The following PTPRD variants were observed in gnomAD, a reference collection of about 807,000 sequenced individuals.
PTPRD encodes the protein protein tyrosine phosphatase receptor type D.
PTPRD carries 34 observed loss-of-function variants against 214.5 expected under a neutral mutation model. That is an observed-to-expected ratio of 0.16 (90% CI 0.12 to 0.21). The LOEUF (loss-of-function observed/expected upper bound fraction) is 0.21, where lower values mean the gene tolerates loss of function less well. PTPRD is among the 10% of genes least tolerant of loss of function. The pLI is 1.00. For synonymous variants in PTPRD, 1,128 were observed against 845.7 expected (o/e 1.33, Z -5.79); for missense variants, 2,545 against 2,398.7 (o/e 1.06, Z -1.27).
At chr9:9,932,361 C>T (rs867601256) in intron 5 of PTPRD, among the ~76,000 whole-genome samples, 3 of 141,728 alleles carry the variant, frequency 2.1e-5, no homozygotes, top group Admixed American at 7.0e-5. Context: ...ACTAGAATAA[C>T]CAATACAGAG....
chr9:8,604,242 G>A (rs914767649), intron 14 of PTPRD, among the ~76,000 whole-genome samples: 10 of 152,174 alleles, frequency 6.6e-5, no homozygotes, highest in African/African-American at 2.4e-4. Context: ...TATAGTCGAG[G>A]AAAGAGCAAA....
intron 14 of PTPRD, among the ~76,000 whole-genome samples, chr9:8,575,633 G>A (rs941353488): frequency 2.6e-5 from 4 of 152,058 alleles, no homozygotes; most frequent in Non-Finnish European, 4.4e-5. Flanking sequence ...CAACAATGAA[G>A]TACTTAAGTC....
At chr9:8,359,303 T>TG (rs539018353) in intron 39 of PTPRD, among the ~76,000 whole-genome samples, 1 of 150,992 alleles carries the variant, frequency 6.6e-6, no homozygotes, top group South Asian at 2.1e-4. Flanking sequence ...ACTCAAGGGG[T>TG]GGGGTCAAGC....
intron 11 of PTPRD, among the ~76,000 whole-genome samples, chr9:8,759,662 T>A (rs1422833530): frequency 6.6e-6 from 1 of 151,976 alleles, no homozygotes; most frequent in Non-Finnish European, 1.5e-5. Flanking sequence ...CCTACTCATT[T>A]CACTATGTTT....
At chr9:9,100,594 C>G (rs922722352) in intron 10 of PTPRD, among the ~76,000 whole-genome samples, 5 of 151,864 alleles carry the variant, frequency 3.3e-5, no homozygotes, top group Admixed American at 1.3e-4. Flanking sequence ...TTGTTTTTAC[C>G]AGAAAATGAA....
intron 5 of PTPRD, among the ~76,000 whole-genome samples, chr9:9,871,857 C>T (rs533337303): frequency 1.8e-4 from 27 of 152,222 alleles, no homozygotes; most frequent in Middle Eastern, 3.4e-3. Flanking sequence ...TGATCTTTTC[C>T]TTTAACAATA....
chr9:9,167,100 G>C (rs2099905855), intron 10 of PTPRD, among the ~76,000 whole-genome samples: 2 of 152,182 alleles, frequency 1.3e-5, no homozygotes, highest in Non-Finnish European at 2.9e-5. Context: ...TTGACAAATA[G>C]TGGACCTGAT....
intron 35 of PTPRD, among the ~76,000 whole-genome samples, chr9:8,430,121 T>C (rs1291000875): frequency 2.0e-5 from 3 of 152,168 alleles, no homozygotes; most frequent in Non-Finnish European, 2.9e-5. Flanking sequence ...ACATCTAGAA[T>C]GTACCTGAAG....
At chr9:10,078,434 T>G (rs2098172086) in intron 3 of PTPRD, among the ~76,000 whole-genome samples, 1 of 149,414 alleles carries the variant, frequency 6.7e-6, no homozygotes, top group Admixed American at 6.7e-5. Context: ...GAGAATTGCT[T>G]GAACCTGGGA....
At chr9:10,551,060 G>A (rs1487839455) in intron 2 of PTPRD, among the ~76,000 whole-genome samples, 3 of 152,172 alleles carry the variant, frequency 2.0e-5, no homozygotes, top group African/African-American at 7.2e-5. Context: ...TAGGCTGAGT[G>A]CAGTGGCTCA....
chr9:9,831,078 C>G (rs185800946), intron 5 of PTPRD, among the ~76,000 whole-genome samples: 1 of 151,888 alleles, frequency 6.6e-6, no homozygotes, highest in Non-Finnish European at 1.5e-5. Flanking sequence ...TTTATTATAG[C>G]CTATGGTCAC....
intron 44 of PTPRD, among the ~76,000 whole-genome samples, chr9:8,321,507 A>G (rs899074606): frequency 1.2e-4 from 12 of 100,018 alleles, no homozygotes; most frequent in African/African-American, 2.6e-4. Context: ...ATATATATAT[A>G]TATATATATA....
At chr9:10,422,276 G>A (rs546143421) in intron 2 of PTPRD, among the ~76,000 whole-genome samples, 4 of 152,106 alleles carry the variant, frequency 2.6e-5, no homozygotes, top group Admixed American at 2.6e-4. Flanking sequence ...GCTGAAACTG[G>A]ATCCCTTCTT....
At chr9:10,097,643 G>A (rs1045585826) in intron 3 of PTPRD, among the ~76,000 whole-genome samples, 1 of 151,732 alleles carries the variant, frequency 6.6e-6, no homozygotes, top group African/African-American at 2.4e-5. Flanking sequence ...TTTGGGCTGA[G>A]ACGATGGGGT....
At chr9:9,964,229 G>C (rs2094541847) in intron 4 of PTPRD, among the ~76,000 whole-genome samples, 1 of 152,134 alleles carries the variant, frequency 6.6e-6, no homozygotes. Flanking sequence ...ATTTAGTTTG[G>C]GAGTGAGGGA....
chr9:9,174,280 A>G (rs531931901), intron 10 of PTPRD, among the ~76,000 whole-genome samples: 3 of 152,158 alleles, frequency 2.0e-5, no homozygotes, highest in Non-Finnish European at 4.4e-5. Context: ...CATCTACAAT[A>G]GTGACTGATT....
Position 9,285,009 on chromosome 9 carries a change from G to C in PTPRD, c.-202-101646C>G, listed in dbSNP as rs569874159. ...CCAAATATGATTGCTATTATCCTTG[G>C]GGAGATGACAGAATAAATTTTCATG... On this transcript the variant is annotated intron_variant, in intron 9 of 45. Transcript: ENST00000381196. 5.0e-3 allele frequency among the ~76,000 whole-genome samples: 754 copies of C among 151,704 alleles called. 4 individuals carry two copies. Among genetic ancestry groups the C allele is most frequent in the African/African-American group, 0.017 (720 of 41,456 alleles).
At chr9:9,092,037 G>A (rs1486187159) in intron 10 of PTPRD, among the ~76,000 whole-genome samples, 1 of 152,108 alleles carries the variant, frequency 6.6e-6, no homozygotes, top group African/African-American at 2.4e-5. Flanking sequence ...AGAAAGTCAT[G>A]CCACTTTAGA....
At chr9:8,473,722 C>T (rs1234627978) in intron 30 of PTPRD, among the ~76,000 whole-genome samples, 5 of 152,082 alleles carry the variant, frequency 3.3e-5, no homozygotes. Context: ...GCAGCACTCC[C>T]CCACTATTCA....
Sources: allele counts gnomAD v4.1 joint callset (sites outside exome capture counted in the v4.1 genomes callset), GRCh38; gene constraint gnomAD v4.1.1; transcripts MANE v1.5; gene names NCBI Gene and HGNC (gene_info 2026-07-23, HGNC 2026-07-21).